The following PXK variants were observed in gnomAD, a reference collection of about 807,000 sequenced individuals.
PXK encodes the protein PX domain-containing protein kinase-like protein.
Under a neutral mutation model 84.7 loss-of-function variants are expected in PXK, and 35 were observed. That is an observed-to-expected ratio of 0.41 (90% confidence interval 0.32 to 0.55). PXK has a LOEUF of 0.55. Among genes scored for constraint, PXK ranks in the 20% least tolerant of loss-of-function variants. The pLI is 0.21. For synonymous variants in PXK, 253 were observed against 260.8 expected, an observed-to-expected ratio of 0.97 and a Z score of 0.29; for missense variants, 634 against 699.7, an observed-to-expected ratio of 0.91 and a Z score of 1.06.
In PXK at chr3:58,420,754, T is replaced by C; in HGVS notation, c.1529-3998T>C. On this transcript the variant is annotated intron_variant, in intron 17 of 17. Coordinates refer to ENST00000356151, the MANE Select transcript of PXK (RefSeq NM_017771.5). Reference sequence around the variant, plus strand: ...AAAAAGCACCCAGTGACTTCATCTATATTCATTTCATTTTCATCATGACCT... The same window carrying C: ...AAAAAGCACCCAGTGACTTCATCTACATTCATTTCATTTTCATCATGACCT... 4 of 1,403,344 alleles carry C rather than the reference T, an allele frequency of 2.9e-6. No individual in the cohort carries two copies. The South Asian group carries it at 4.9e-5, about 17-fold the overall frequency. The allele number at this position is 1,403,344 out of a possible 1,614,324, so 86.9% of individuals were successfully genotyped here.
chr3:58,384,703 C>T (rs774740700), intron 4 of PXK, among the ~76,000 whole-genome samples: 1 of 152,150 alleles, frequency 6.6e-6, no homozygotes, highest in Non-Finnish European at 1.5e-5. Context: ...TCATTCCCTG[C>T]GAGTGCTTGC....
chr3:58,384,289 T>C (rs1184432374), intron 4 of PXK, among the ~76,000 whole-genome samples: 1 of 152,222 alleles, frequency 6.6e-6, no homozygotes, highest in Non-Finnish European at 1.5e-5. Context: ...CCAGGTGATT[T>C]GCACGCACAT....
chr3:58,423,474 G>A, intron 17 of PXK: 1 of 1,532,182 alleles, frequency 6.5e-7, no homozygotes, highest in African/African-American at 1.4e-5. Context: ...CCTTAGGTTT[G>A]AGTAAAAGAT....
intron 3 of PXK, among the ~76,000 whole-genome samples, chr3:58,381,870 G>A (rs1315336790): frequency 2.0e-5 from 3 of 152,142 alleles, no homozygotes; most frequent in Non-Finnish European, 4.4e-5. Context: ...GCTGTCTTAG[G>A]GGAGCAGAGA....
chr3:58,378,507 T>TG (rs2098464570), intron 3 of PXK, among the ~76,000 whole-genome samples: 1 of 105,102 alleles, frequency 9.5e-6, no homozygotes, highest in East Asian at 3.3e-4. Context: ...TTTTTTTTTT[T>TG]TTTTTTGTGT....
intron 1 of PXK, among the ~76,000 whole-genome samples, chr3:58,353,664 C>T (rs2097994202): frequency 6.6e-6 from 1 of 152,210 alleles, no homozygotes; most frequent in African/African-American, 2.4e-5. Context: ...TGAGAATTTC[C>T]TCAGAAACCT....
chr3:58,337,369 A>G (rs1024475373), intron 1 of PXK, among the ~76,000 whole-genome samples: 19 of 152,226 alleles, frequency 1.2e-4, no homozygotes, highest in African/African-American at 4.6e-4. Context: ...CATTCATTCA[A>G]CAAAAATGTA....
intron 3 of PXK, among the ~76,000 whole-genome samples, chr3:58,377,998 A>G (rs190333186): frequency 3.5e-4 from 53 of 152,364 alleles, no homozygotes; most frequent in African/African-American, 1.2e-3. Flanking sequence ...TTTAAGAAGC[A>G]GTCAGATCCC....
intron 1 of PXK, among the ~76,000 whole-genome samples, chr3:58,361,208 A>ATC (rs2098179246): frequency 6.6e-6 from 1 of 150,444 alleles, no homozygotes; most frequent in South Asian, 2.1e-4. Flanking sequence ...AGGCAGGAGA[A>ATC]TCACTTGAAC....
intron 1 of PXK, among the ~76,000 whole-genome samples, chr3:58,345,445 A>C (rs934156920): frequency 6.6e-6 from 1 of 152,204 alleles, no homozygotes; most frequent in African/African-American, 2.4e-5. Context: ...GAGGAATACA[A>C]CTTAAGGCCC....
Position 58,411,210 on chromosome 3 carries a change from C to G in PXK, c.1465+1051C>G, listed in dbSNP as rs2060153353. The stretch of plus-strand genomic sequence containing the variant: ...GAGAAAAGTGTACAAGATGATTAGG[C>G]TGCAGCCCAGAGGGCTGCATGAGCC... On this transcript the variant is annotated intron_variant, in intron 16 of 17. Transcript: ENST00000356151. This position sits in a 1 kb window ranked among gnomAD's most constrained non-coding sequence, Gnocchi z 4.2. 6.6e-6 allele frequency among the ~76,000 whole-genome samples: 1 copy of G among 152,180 alleles called. No homozygotes were observed. The highest frequency in any genetic ancestry group is 6.5e-5 in the Admixed American group (1 of 15,278).
chr3:58,413,178 G>C (rs1233073058), intron 17 of PXK: 1 of 600,996 alleles, frequency 1.7e-6, no homozygotes, highest in African/African-American at 1.9e-5. Context: ...ACCGGTTTCA[G>C]GGCCACTAGC....
chr3:58,368,034 G>T (rs905836958), intron 2 of PXK, among the ~76,000 whole-genome samples: 92 of 151,946 alleles, frequency 6.1e-4, no homozygotes, highest in Middle Eastern at 3.4e-3. Context: ...AAGGGGTCTT[G>T]CTATGTTGCC....
chr3:58,375,250 G>A (rs925779998), intron 3 of PXK, among the ~76,000 whole-genome samples: 1 of 152,130 alleles, frequency 6.6e-6, no homozygotes, highest in South Asian at 2.1e-4. Flanking sequence ...GGTAGTGCAG[G>A]CAAATCTGTC....
intron 2 of PXK, among the ~76,000 whole-genome samples, chr3:58,368,927 TG>T (rs2098322816): frequency 6.6e-6 from 1 of 152,198 alleles, no homozygotes; most frequent in African/African-American, 2.4e-5. Flanking sequence ...GGGGGAACCC[TG>T]GGGAATCAGG....
At chr3:58,338,704 T>A (rs79271752) in intron 1 of PXK, among the ~76,000 whole-genome samples, 1 of 151,432 alleles carries the variant, frequency 6.6e-6, no homozygotes, top group Admixed American at 6.6e-5. Context: ...TTTTTTTTTT[T>A]AGCTGGAGTC....
At chr3:58,415,670 A>G (rs2060850248) in intron 17 of PXK, among the ~76,000 whole-genome samples, 1 of 152,234 alleles carries the variant, frequency 6.6e-6, no homozygotes, top group Non-Finnish European at 1.5e-5. Context: ...CACCCAGTGC[A>G]ATAAAATCAG....
chr3:58,420,683 G>A, intron 17 of PXK: 1 of 1,513,794 alleles, frequency 6.6e-7, no homozygotes, highest in Non-Finnish European at 8.8e-7. Flanking sequence ...AAGCAGATTT[G>A]AGACTATTTC....
In PXK at chr3:58,425,866, C is replaced by T. The variant is rs150406694; in HGVS notation, c.*906C>T. ...GATCCTTTATCCTGATTTGCTTAAA[C>T]CTTTCAATAAATTGCACTTTAAAGG... On this transcript the variant is annotated 3_prime_UTR_variant, in exon 18 of 18. Transcript: ENST00000356151. 65 of 152,256 alleles carry T rather than the reference C, an allele frequency of 4.3e-4. No homozygotes were observed. Among genetic ancestry groups the T allele is most frequent in the African/African-American group, 1.5e-3 (63 of 41,538 alleles). 9.4% of individuals were successfully genotyped at this position (152,256 alleles called of 1,614,324 possible).
Sources: allele counts gnomAD v4.1 joint callset (sites outside exome capture counted in the v4.1 genomes callset), GRCh38; gene constraint gnomAD v4.1.1; non-coding constraint Gnocchi (gnomAD v3.1); transcripts MANE v1.5; gene names NCBI Gene and HGNC (gene_info 2026-07-23, HGNC 2026-07-21).